The following HERC1 variants were observed in gnomAD, a reference collection of about 807,000 sequenced individuals.
HERC1 encodes the protein probable E3 ubiquitin-protein ligase HERC1.
In HERC1, 160 loss-of-function variants were observed where a neutral mutation model predicts 554.3. The ratio of observed to expected loss-of-function variants is 0.29; its 90% CI spans 0.25 to 0.33. The LOEUF is 0.33. Ranked by LOEUF, HERC1 falls within the 10% of genes least tolerant of loss-of-function variation. The pLI, the probability that HERC1 is intolerant of heterozygous loss-of-function variation, is 1.00. For missense variants in HERC1, 4,919 were observed against 5,918.5 expected, an observed-to-expected ratio of 0.83 and a Z score of 5.54; for synonymous variants, 2,175 against 2,131.7, an observed-to-expected ratio of 1.02 and a Z score of -0.56.
intron 1 of HERC1, among the ~76,000 whole-genome samples, chr15:63,805,252 A>C (rs1270003620): frequency 6.6e-6 from 1 of 152,252 alleles, no homozygotes; most frequent in Non-Finnish European, 1.5e-5. Flanking sequence ...ATAAAAAGGA[A>C]TGAACGACTG....
At chr15:63,624,466 G>A in intron 71 of HERC1, 139 bp from the exon 72 acceptor site, 1 of 702,906 alleles carries the variant, frequency 1.4e-6, no homozygotes, top group Middle Eastern at 3.1e-4. Flanking sequence ...GGAGGCTGTG[G>A]TGGGCGGATC....
At chr15:63,746,852 T>C (rs2075073835) in intron 12 of HERC1, 66 bp downstream of exon 12, 1 of 1,353,490 alleles carries the variant, frequency 7.4e-7, no homozygotes. Flanking sequence ...TTGAATATAT[T>C]GTATAGCTAA....
At chr15:63,673,794 G>T (rs565422980) in intron 38 of HERC1, among the ~76,000 whole-genome samples, 11 of 152,146 alleles carry the variant, frequency 7.2e-5, no homozygotes, top group Non-Finnish European at 1.5e-4. Context: ...GCACAATCTC[G>T]GCTCACTGTA....
intron 76 of HERC1, among the ~76,000 whole-genome samples, chr15:63,615,445 C>A (rs748881741): frequency 3.3e-5 from 5 of 152,024 alleles, no homozygotes; most frequent in African/African-American, 4.8e-5. Flanking sequence ...CCCATCTCTA[C>A]CAAAAAATAA....
In HERC1 at chr15:63,623,712, T is replaced by C. The variant is rs2068184696; in HGVS notation, c.13611+13A>G. On this transcript the variant is annotated intron_variant, in intron 73 of 77. Coordinates refer to ENST00000443617, the MANE Select transcript of HERC1 (RefSeq NM_003922.4). ...GACTAGATAACTCAGCAGGGGACAC[T>C]GCAGGAATATACCTGGCACATCTCT... The C allele has an allele frequency of 1.2e-6, 2 of 1,613,286 alleles. No individual in the cohort carries two copies. Among genetic ancestry groups the C allele is most frequent in the Middle Eastern group, 1.7e-4 (1 of 6,058 alleles).
chr15:63,828,931 T>C (rs2078032356), intron 1 of HERC1, among the ~76,000 whole-genome samples: 1 of 152,192 alleles, frequency 6.6e-6, no homozygotes, highest in African/African-American at 2.4e-5. Flanking sequence ...AAATACATTT[T>C]TCACTAGGGT....
At chr15:63,791,256 G>A (rs1469442188) in intron 1 of HERC1, among the ~76,000 whole-genome samples, 1 of 152,166 alleles carries the variant, frequency 6.6e-6, no homozygotes, top group Non-Finnish European at 1.5e-5. Flanking sequence ...CATTGTTGCT[G>A]GTTGAGCATC....
intron 12 of HERC1, among the ~76,000 whole-genome samples, chr15:63,744,328 T>C (rs2074973834): frequency 6.6e-6 from 1 of 152,142 alleles, no homozygotes; most frequent in Non-Finnish European, 1.5e-5. Context: ...TCACCCAAGC[T>C]TGCCGTAACC....
At chr15:63,802,991 C>T (rs1243360098) in intron 1 of HERC1, among the ~76,000 whole-genome samples, 2 of 152,164 alleles carry the variant, frequency 1.3e-5, no homozygotes, top group African/African-American at 4.8e-5. Flanking sequence ...GGGAGGCTCA[C>T]TTGAGCCCAG....
intron 1 of HERC1, among the ~76,000 whole-genome samples, chr15:63,821,749 A>AAAAAAAAAAAAAAAC (rs2077706197): frequency 6.7e-6 from 1 of 150,358 alleles, no homozygotes; most frequent in Non-Finnish European, 1.5e-5. Context: ...AAAAAAAAAA[A>AAAAAAAAAAAAAAAC]ATCAGATAAT....
intron 3 of HERC1, among the ~76,000 whole-genome samples, chr15:63,759,818 A>G (rs1466467327): frequency 6.6e-6 from 1 of 152,256 alleles, no homozygotes. Flanking sequence ...GGGAGAGGAT[A>G]GGGTCATCTT....
At chr15:63,802,674 G>C (rs1374167181) in intron 1 of HERC1, among the ~76,000 whole-genome samples, 1 of 152,006 alleles carries the variant, frequency 6.6e-6, no homozygotes, top group Non-Finnish European at 1.5e-5. Flanking sequence ...ATTCACCAAT[G>C]AAAAGAAAGG....
intron 1 of HERC1, among the ~76,000 whole-genome samples, chr15:63,782,248 C>T (rs752129867): frequency 6.6e-5 from 10 of 152,150 alleles, no homozygotes; most frequent in Admixed American, 1.3e-4. Flanking sequence ...TAATTCAATA[C>T]CTGCCTTCAA....
At chr15:63,767,661 G>A (rs530035007) in intron 2 of HERC1, among the ~76,000 whole-genome samples, 7 of 152,092 alleles carry the variant, frequency 4.6e-5, no homozygotes, top group Non-Finnish European at 7.4e-5. Flanking sequence ...TCGCCCCACC[G>A]CACTCCAGCC....
chr15:63,637,016 A>T (rs899796185), intron 64 of HERC1: 6 of 404,590 alleles, frequency 1.5e-5, no homozygotes, highest in African/African-American at 1.3e-4. Context: ...CTCTCTTTGT[A>T]GGCTTCAGAG....
At chr15:63,674,305 G>A (rs773931911) in intron 38 of HERC1, 37 bp downstream of exon 38, 40 of 1,491,546 alleles carry the variant, frequency 2.7e-5, no homozygotes, top group Non-Finnish European at 3.5e-5. Context: ...AATCTCAACA[G>A]CACAAAAGCA....
At position 63,645,169 on chromosome 15, in the gene HERC1, T is replaced by C. The variant is rs1472937381; in HGVS notation, c.11079-72A>G. On this transcript the variant is annotated intron_variant, in intron 56 of 77. Coordinates refer to ENST00000443617, the MANE Select transcript of HERC1 (RefSeq NM_003922.4). ...AAGTAAAAATATTTCCGAATTGCAA[T>C]CAATTAAGATCTGATAGAACCACTG... 3.7e-6 allele frequency: 4 copies of C among 1,074,898 alleles called. No homozygotes were observed. The Admixed American group carries it at 5.2e-5, about 14-fold the overall frequency. 66.6% of individuals were successfully genotyped at this position (1,074,898 alleles called of 1,614,324 possible). A position where few individuals can be genotyped will look rare whatever the true frequency, so the allele number is the denominator to read the frequency against.
In HERC1 at chr15:63,654,337, G is replaced by T. The variant is rs768448838; in HGVS notation, c.10085-13C>A. On this transcript the variant is annotated splice_polypyrimidine_tract_variant and intron_variant, in intron 50 of 77. Coordinates refer to ENST00000443617, the MANE Select transcript of HERC1 (RefSeq NM_003922.4). ...AACTCCAGAGGGCCTACAGCAGAAG[G>T]ATCATAGGAAGGATGGGCATACAAT... 2 of 1,602,714 alleles carry T rather than the reference G, an allele frequency of 1.2e-6. No individual in the cohort carries two copies. The highest frequency in any genetic ancestry group is 2.2e-5 in the South Asian group (2 of 90,322).
chr15:63,657,204 GT>G (rs1205987778), intron 48 of HERC1, among the ~76,000 whole-genome samples: 2 of 148,638 alleles, frequency 1.3e-5, no homozygotes, highest in Non-Finnish European at 3.0e-5. Flanking sequence ...TGTTTTAAAT[GT>G]TTGCCATTCT....
Sources: allele counts gnomAD v4.1 joint callset (sites outside exome capture counted in the v4.1 genomes callset), GRCh38; gene constraint gnomAD v4.1.1; transcripts MANE v1.5; gene names NCBI Gene and HGNC (gene_info 2026-07-23, HGNC 2026-07-21).